PTPN13: variants seen among roughly 807,000 people sequenced by gnomAD.
The protein encoded by PTPN13 is tyrosine-protein phosphatase non-receptor type 13.
A neutral mutation model predicts 284.0 loss-of-function variants in PTPN13; 191 were observed. That is an observed-to-expected ratio of 0.67 (90% CI 0.60 to 0.76). The LOEUF (loss-of-function observed/expected upper bound fraction) is 0.76, where lower values mean the gene tolerates loss of function less well. PTPN13 is among the 30% of genes least tolerant of loss of function. The pLI is 0.00. For synonymous variants in PTPN13, 986 were observed against 1,022.3 expected, an observed-to-expected ratio of 0.96 and a Z score of 0.68; for missense variants, 2,797 against 2,939.9, an observed-to-expected ratio of 0.95 and a Z score of 1.12.
At chr4:86,705,327 CCGTCT>C in intron 7 of PTPN13, among the ~76,000 whole-genome samples, 1 of 77,682 alleles carries the variant, frequency 1.3e-5, no homozygotes, top group Non-Finnish European at 2.5e-5. Context: ...GAGCAAGACT[CCGTCT>C]CAAAAAAAAA....
chr4:86,751,383 G>C (rs1737370606), intron 19 of PTPN13, among the ~76,000 whole-genome samples: 1 of 152,096 alleles, frequency 6.6e-6, no homozygotes, highest in African/African-American at 2.4e-5. Flanking sequence ...CTGGAGTGCA[G>C]AGATCATGGC....
intron 1 of PTPN13, among the ~76,000 whole-genome samples, chr4:86,603,781 A>G (rs776668191): frequency 2.1e-4 from 32 of 152,108 alleles, no homozygotes; most frequent in Non-Finnish European, 4.4e-5. Context: ...ATGAACTCAG[A>G]TAATTAGCAT....
At chr4:86,771,056 C>A in intron 30 of PTPN13, 115 bp from the exon 31 acceptor site, 1 of 1,115,460 alleles carries the variant, frequency 9.0e-7, no homozygotes, top group Non-Finnish European at 1.2e-6. Flanking sequence ...TTACTTTTAT[C>A]ATCAGAAAAT....
intron 1 of PTPN13, among the ~76,000 whole-genome samples, chr4:86,618,211 A>G (rs1446599269): frequency 2.0e-5 from 3 of 152,118 alleles, no homozygotes; most frequent in African/African-American, 7.2e-5. Context: ...TGTTTTTGTC[A>G]GGTTTGTCAA....
Position 86,716,579 on chromosome 4 carries a change from C to G in PTPN13, c.1245C>G (p.Ser415=), listed in dbSNP as rs1438335482. ...ATCATGGTGATGTCTTTAGTACCTCCAGTGAAAGTCCATCTATTATTTCCT... is the reference window on the plus strand; with the variant it reads ...ATCATGGTGATGTCTTTAGTACCTCGAGTGAAAGTCCATCTATTATTTCCT... ...KTYHGDVFST[S]SESPSIISSE... Residue 415 remains serine, a synonymous_variant, in exon 8 of 48, where the codon TCC becomes TCG. Coordinates refer to ENST00000411767, the MANE Select transcript of PTPN13 (RefSeq NM_080683.3). 1.2e-6 allele frequency: 2 copies of G among 1,600,008 alleles called. No individual in the cohort carries two copies. Among genetic ancestry groups the G allele is most frequent in the Non-Finnish European group, 1.7e-6 (2 of 1,173,358 alleles).
chr4:86,629,665 T>C (rs958616329), intron 1 of PTPN13, among the ~76,000 whole-genome samples: 1 of 152,200 alleles, frequency 6.6e-6, no homozygotes, highest in African/African-American at 2.4e-5. Flanking sequence ...TTCTCCTAAC[T>C]TTTTAATGGC....
At chr4:86,608,453 A>G (rs764309505) in intron 1 of PTPN13, among the ~76,000 whole-genome samples, 1 of 152,132 alleles carries the variant, frequency 6.6e-6, no homozygotes, top group African/African-American at 2.4e-5. Context: ...AAATGATAGT[A>G]CATGCTTATA....
At chr4:86,611,732 G>A (rs548853238) in intron 1 of PTPN13, among the ~76,000 whole-genome samples, 2 of 152,194 alleles carry the variant, frequency 1.3e-5, no homozygotes, top group African/African-American at 2.4e-5. Flanking sequence ...TTCAGGAGAT[G>A]GAGCTGAAAG....
chr4:86,676,376 T>G (rs1343096027), intron 3 of PTPN13, among the ~76,000 whole-genome samples: 1 of 152,240 alleles, frequency 6.6e-6, no homozygotes, highest in African/African-American at 2.4e-5. Flanking sequence ...TTGGCGAGGA[T>G]GCAGAGAAAT....
In PTPN13 at chr4:86,770,275, T is replaced by C. The variant is rs191922162; in HGVS notation, c.4803+76T>C. On this transcript the variant is annotated intron_variant, in intron 30 of 47. Transcript: ENST00000411767. ...ACTAACTAATTCAGCTGTGGTGGTT[T>C]CATCATGAATTGTTCTCCTGGGTTT... 941 of 1,342,766 alleles carry C rather than the reference T, an allele frequency of 7.0e-4. 2 individuals are homozygous for C. The highest frequency in any genetic ancestry group is 5.2e-3 in the South Asian group (411 of 79,260). 83.2% of individuals were successfully genotyped at this position (1,342,766 alleles called of 1,614,324 possible). A position where few individuals can be genotyped will look rare whatever the true frequency, so the allele number is the denominator to read the frequency against.
chr4:86,623,528 A>T (rs1721488329), intron 1 of PTPN13, among the ~76,000 whole-genome samples: 1 of 152,022 alleles, frequency 6.6e-6, no homozygotes. Flanking sequence ...TCAAACCATA[A>T]CTCATTTCCA....
chr4:86,666,821 T>G (rs1022142376), intron 2 of PTPN13, among the ~76,000 whole-genome samples: 1 of 152,170 alleles, frequency 6.6e-6, no homozygotes, highest in Middle Eastern at 3.2e-3. Context: ...AAATGGACTT[T>G]CCACTTGGCT....
At position 86,701,914 on chromosome 4, in the gene PTPN13, TG is replaced by T. The variant is rs1731208248; in HGVS notation, c.1195+114del. 4.5e-5 allele frequency: 47 copies of T among 1,055,814 alleles called. 1 individual carries two copies. Among genetic ancestry groups the T allele is most frequent in the South Asian group, 3.4e-4 (19 of 55,154 alleles). The allele number at this position is 1,055,814 out of a possible 1,614,324, so 65.4% of individuals were successfully genotyped here. ...AGTCTTATTTTCACTGCCAAATTTT[TG>T]TACCCTGGTTAGTCTCTTACTTCTC... On this transcript the variant is annotated intron_variant, in intron 7 of 47. Coordinates refer to ENST00000411767, the MANE Select transcript of PTPN13 (RefSeq NM_080683.3).
intron 6 of PTPN13, among the ~76,000 whole-genome samples, chr4:86,698,404 A>G (rs1308019399): frequency 6.6e-6 from 1 of 152,204 alleles, no homozygotes; most frequent in African/African-American, 2.4e-5. Context: ...TTCATTACAT[A>G]TGATTGGAAC....
chr4:86,797,876 G>T (rs12171414), intron 41 of PTPN13, among the ~76,000 whole-genome samples: 15,127 of 151,712 alleles, frequency 0.1, 878 homozygotes, highest in Non-Finnish European at 0.11. Context: ...GAGGGAAAGG[G>T]TTTTTATCTA....
chr4:86,620,239 C>A (rs181657011), intron 1 of PTPN13, among the ~76,000 whole-genome samples: 1,757 of 152,288 alleles, frequency 0.012, 11 homozygotes, highest in Non-Finnish European at 0.013. Context: ...AGGCCCGGTT[C>A]ACTGCAGCCT....
chr4:86,698,694 A>G (rs1730821185), intron 6 of PTPN13, among the ~76,000 whole-genome samples: 1 of 152,150 alleles, frequency 6.6e-6, no homozygotes, highest in African/African-American at 2.4e-5. Context: ...GAGAAGTAAA[A>G]TATGTATACC....
intron 37 of PTPN13, 26 bp downstream of exon 37, chr4:86,782,288 T>G: frequency 6.5e-7 from 1 of 1,547,790 alleles, no homozygotes; most frequent in Non-Finnish European, 8.9e-7. Context: ...CCCTCTTTCA[T>G]GTCATACCTC....
At chr4:86,647,997 A>G (rs1346312707) in intron 2 of PTPN13, among the ~76,000 whole-genome samples, 1 of 152,142 alleles carries the variant, frequency 6.6e-6, no homozygotes, top group African/African-American at 2.4e-5. Context: ...CAGAATAAAA[A>G]AAATTAATAA....
Sources: allele counts gnomAD v4.1 joint callset (sites outside exome capture counted in the v4.1 genomes callset), GRCh38; gene constraint gnomAD v4.1.1; transcripts MANE v1.5; gene names NCBI Gene and HGNC (gene_info 2026-07-23, HGNC 2026-07-21).